SCN3A: variants seen among roughly 807,000 people sequenced by gnomAD.
The protein encoded by SCN3A is sodium channel protein type 3 subunit alpha.
SCN3A carries 60 observed loss-of-function variants against 187.6 expected under a neutral mutation model. The observed-to-expected ratio is 0.32, with a 90% CI of 0.26 to 0.40. The LOEUF (loss-of-function observed/expected upper bound fraction) is 0.40, where lower values mean the gene tolerates loss of function less well. Ranked by LOEUF, SCN3A falls within the 10% of genes least tolerant of loss-of-function variation. The pLI is 1.00. For missense variants in SCN3A, 1,601 were observed against 2,428.2 expected (o/e 0.66, Z 7.16); for synonymous variants, 788 against 829.2 (o/e 0.95, Z 0.85).
At chr2:165,113,709 G>T (rs1686224880) in intron 20 of SCN3A, 107 bp downstream of exon 20, 2 of 1,229,300 alleles carry the variant, frequency 1.6e-6, no homozygotes, top group African/African-American at 1.5e-5. Flanking sequence ...GCAAGACACA[G>T]ATATGCCTTT....
chr2:165,118,646 G>A (rs1423124618), intron 18 of SCN3A, among the ~76,000 whole-genome samples: 1 of 152,106 alleles, frequency 6.6e-6, no homozygotes, highest in African/African-American at 2.4e-5. Flanking sequence ...GAGTGCTGTG[G>A]CATGATCATG....
chr2:165,133,174 A>G (rs1330202651), intron 15 of SCN3A, among the ~76,000 whole-genome samples: 1 of 152,116 alleles, frequency 6.6e-6, no homozygotes, highest in African/African-American at 2.4e-5. Flanking sequence ...ACACTTTTAC[A>G]CTGTTTGTGG....
chr2:165,088,920 G>A lies in SCN3A; in HGVS notation c.*1230C>T, dbSNP rs547379103. 2.7e-4 allele frequency: 41 copies of A among 152,652 alleles called. No homozygotes were observed. Among genetic ancestry groups the A allele is most frequent in the Admixed American group, 4.6e-4 (7 of 15,284 alleles). The allele number at this position is 152,652 out of a possible 1,614,324, so 9.5% of individuals were successfully genotyped here. A position where few individuals can be genotyped will look rare whatever the true frequency, so the allele number is the denominator to read the frequency against. On this transcript the variant is annotated 3_prime_UTR_variant, in exon 28 of 28. Coordinates refer to ENST00000283254, the MANE Select transcript of SCN3A (RefSeq NM_006922.4). ...GAATTAAAAGTGCAAAAGTAAAGGT[G>A]TTTGTAAATAGCTTCAAATTATTCT...
chr2:165,200,237 T>C (rs1692230725), intron 1 of SCN3A, among the ~76,000 whole-genome samples: 1 of 152,116 alleles, frequency 6.6e-6, no homozygotes. Flanking sequence ...TAATTAATCC[T>C]CACAGTTTTG....
intron 12 of SCN3A, among the ~76,000 whole-genome samples, chr2:165,146,382 A>ATGTGTGTGTGTGTGTGTG (rs5836018): frequency 9.3e-6 from 1 of 107,850 alleles, no homozygotes; most frequent in South Asian, 3.5e-4. Context: ...ATATATATAT[A>ATGTGTGTGTGTGTGTGTG]TGTGTGTGTG....
At chr2:165,136,864 T>A (rs538107895) in intron 15 of SCN3A, among the ~76,000 whole-genome samples, 5 of 152,270 alleles carry the variant, frequency 3.3e-5, no homozygotes, top group African/African-American at 9.6e-5. Flanking sequence ...TCCACCAGCA[T>A]TTCCTTTCCC....
At chr2:165,157,668 G>T (rs538256004) in intron 9 of SCN3A, among the ~76,000 whole-genome samples, 1 of 152,066 alleles carries the variant, frequency 6.6e-6, no homozygotes, top group African/African-American at 2.4e-5. Flanking sequence ...TAAGGAACCC[G>T]CAGTTATGAT....
Position 165,168,197 on chromosome 2 carries a change from T to C in SCN3A, c.473+539A>G, listed in dbSNP as rs114784955. The stretch of plus-strand genomic sequence containing the variant: ...AGCCCTGTTATTTTATGAACACAGT[T>C]TTATGGAAGACATTTTATTTCTTTT... On this transcript the variant is annotated intron_variant, in intron 5 of 27. Coordinates refer to ENST00000283254, the MANE Select transcript of SCN3A (RefSeq NM_006922.4). Among the ~76,000 whole-genome samples the C allele has an allele frequency of 7.4e-3, 1,119 of 152,224 alleles. 19 individuals are homozygous for C. The highest frequency in any genetic ancestry group is 0.026 in the African/African-American group (1,081 of 41,566).
chr2:165,093,449 A>G (rs1302599520), intron 26 of SCN3A: 1 of 152,174 alleles, frequency 6.6e-6, no homozygotes, highest in Non-Finnish European at 1.5e-5. Flanking sequence ...ATTAACAATC[A>G]TCTCAGGAAC....
Position 165,201,595 on chromosome 2 carries a change from T to C in SCN3A, c.-248+2228A>G, listed in dbSNP as rs75505047. The stretch of plus-strand genomic sequence containing the variant: ...TGTAACACAGGCATTATTATTCCTA[T>C]TTTAAAGATGATGTAATAAAGGCTC... On this transcript the variant is annotated intron_variant, in intron 1 of 27. Coordinates refer to ENST00000283254, the MANE Select transcript of SCN3A (RefSeq NM_006922.4). Among the ~76,000 whole-genome samples the C allele has an allele frequency of 6.3e-3, 956 of 152,178 alleles. 6 individuals carry two copies. The highest frequency in any genetic ancestry group is 0.022 in the African/African-American group (913 of 41,564).
intron 21 of SCN3A, among the ~76,000 whole-genome samples, chr2:165,106,215 G>T (rs887101876): frequency 6.6e-6 from 1 of 151,970 alleles, no homozygotes; most frequent in Non-Finnish European, 1.5e-5. Context: ...TATGTGCAGT[G>T]GGGGAGGGGT....
chr2:165,168,918 T>A, intron 4 of SCN3A, 93 bp from the exon 5 acceptor site: 1 of 808,572 alleles, frequency 1.2e-6, no homozygotes, highest in Non-Finnish European at 2.1e-6. Context: ...ATGCAAAAAC[T>A]GTGAAATTAA....
chr2:165,134,856 C>G, intron 15 of SCN3A, among the ~76,000 whole-genome samples: 1 of 151,890 alleles, frequency 6.6e-6, no homozygotes. Context: ...ACAAATATCT[C>G]TTTCTATAGA....
chr2:165,131,210 C>G, intron 16 of SCN3A, 34 bp downstream of exon 16: 1 of 1,386,766 alleles, frequency 7.2e-7, no homozygotes, highest in Non-Finnish European at 9.7e-7. Flanking sequence ...AAATGTTGTG[C>G]CAATGAGCGA....
intron 3 of SCN3A, among the ~76,000 whole-genome samples, chr2:165,173,151 A>G (rs945818047): frequency 3.3e-5 from 5 of 152,316 alleles, no homozygotes; most frequent in African/African-American, 7.2e-5. Flanking sequence ...TAAAAGTTTT[A>G]CTACTTTGTG....
intron 12 of SCN3A, among the ~76,000 whole-genome samples, chr2:165,143,915 T>C (rs1244491109): frequency 2.0e-5 from 3 of 152,160 alleles, no homozygotes; most frequent in African/African-American, 7.2e-5. Context: ...ACAAGGAAAG[T>C]GAATATTTGT....
intron 3 of SCN3A, among the ~76,000 whole-genome samples, chr2:165,174,107 A>T (rs1485161527): frequency 6.6e-6 from 1 of 152,184 alleles, no homozygotes; most frequent in Non-Finnish European, 1.5e-5. Context: ...GCAGTAGCAC[A>T]ATCATAGCTC....
intron 12 of SCN3A, among the ~76,000 whole-genome samples, chr2:165,142,910 C>G (rs568084070): frequency 6.6e-6 from 1 of 152,026 alleles, no homozygotes; most frequent in Non-Finnish European, 1.5e-5. Flanking sequence ...CGCCACCACA[C>G]CTGGCTAAGT....
rs1686331227 is a variant in SCN3A, at chr2:165,115,556, G to A, written c.3413C>T (p.Ser1138Leu). The A allele has an allele frequency of 6.2e-7, 1 of 1,613,526 alleles. No homozygotes were observed. The highest frequency in any genetic ancestry group is 8.5e-7 in the Non-Finnish European group (1 of 1,179,798). Residue 1138 changes from serine (S) to leucine (L), a missense_variant, in exon 19 of 28, where the codon TCA becomes TTA. Physicochemically the swap from Ser to Leu is moderately radical, Grantham distance 145. Around this residue, in one of 11 missense-constraint regions of SCN3A, gnomAD observed 267 missense variants for 313.2 expected, o/e 0.85. Transcript: ENST00000283254. ...ESKEKLNATS[S>L]SEGSTVDVVL... Reference sequence around the variant, plus strand: ...AACATCAACTGTGCTTCCTTCAGATGAGCTGGTTGCATTTAATTTCTGGAA... The same window carrying A: ...AACATCAACTGTGCTTCCTTCAGATAAGCTGGTTGCATTTAATTTCTGGAA...
Sources: gnomAD v4.1 joint callset for allele counts (sites outside exome capture counted in the v4.1 genomes callset) on GRCh38, gnomAD v4.1.1 for gene constraint, gnomAD v4.1.1 regional missense constraint, MANE v1.5 for transcripts, NCBI Gene and HGNC (gene_info 2026-07-23, HGNC 2026-07-21) for gene names.